Variants in SRRM2 observed in about 807,000 individuals in gnomAD.
SRRM2 encodes serine/arginine repetitive matrix 2, also known as serine/arginine repetitive matrix protein 2.
SRRM2 carries 30 observed loss-of-function variants against 213.8 expected under a neutral mutation model. The observed-to-expected ratio is 0.14, with a 90% CI of 0.10 to 0.19. The LOEUF is 0.19. Among genes scored for constraint, SRRM2 ranks in the 10% least tolerant of loss-of-function variants. The probability of loss-of-function intolerance (pLI) is 1.00; values close to 1 mark genes in which losing one functional copy is unlikely to be tolerated. For missense variants in SRRM2, 4,904 were observed against 3,647.0 expected (o/e 1.34, Z -8.88); for synonymous variants, 2,025 against 1,377.7 (o/e 1.47, Z -10.40).
At position 2,764,353 on chromosome 16, in the gene SRRM2, A is replaced by G. The variant is rs2068465718; in HGVS notation, c.3825A>G (p.Glu1275=). 2 of 1,614,070 alleles carry G rather than the reference A, an allele frequency of 1.2e-6. No individual in the cohort carries two copies. Among genetic ancestry groups the G allele is most frequent in the African/African-American group, 1.3e-5 (1 of 74,938 alleles). The part of the protein sequence containing the change: ...TSNFESSPEV[E]ERPAVSLTLD... ...ACTTTGAATCATCTCCTGAAGTAGA[A>G]GAAAGGCCTGCTGTGTCTTTGACTC... Residue 1275 remains glutamate, a synonymous_variant, in exon 11 of 15, where the codon GAA becomes GAG. Transcript: ENST00000301740.
rs777515766 is a variant in SRRM2 at position 2,767,811 on chromosome 16, C to T, written c.7283C>T (p.Ser2428Phe). 12 of 1,613,942 alleles carry T rather than the reference C, an allele frequency of 7.4e-6. No individual in the cohort carries two copies. Among genetic ancestry groups the T allele is most frequent in the South Asian group, 1.1e-5 (1 of 91,078 alleles). ...ACCTCTGAACGGGCTCCCTCCCCTT[C>T]CTCTAGAATGGGCCAGGCTCCTTCA... is the stretch of plus-strand genomic sequence containing the variant. ...RMTSERAPSP[S>F]SRMGQAPSQS... The change falls in exon 11 of 15, where the codon TCC becomes TTC. Residue 2428 changes from serine (S) to phenylalanine (F), a missense_variant. Coordinates refer to ENST00000301740, the MANE Select transcript of SRRM2 (RefSeq NM_016333.4).
In SRRM2 at chr16:2,762,842, C is replaced by T. The variant is rs142703288; in HGVS notation, c.2314C>T (p.Arg772Cys). 2.3e-4 allele frequency: 373 copies of T among 1,614,182 alleles called. 4 individuals carry two copies. The South Asian group carries it at 2.7e-3, about 11-fold the overall frequency. ...TTCACCACGGTCCAAAGCAAAATCT[C>T]GCTTGTCTTTGAGGCGCAGCCTTTC... is the stretch of plus-strand genomic sequence containing the variant. ...LSSPRSKAKS[R>C]LSLRRSLSGS... The change falls in exon 11 of 15, where the codon CGC (arginine) becomes TGC (cysteine). Residue 772 changes from arginine to cysteine, a missense_variant. Physicochemically the swap from Arg to Cys is radical, Grantham distance 180. Transcript: ENST00000301740.
rs964192291 is a variant in SRRM2, at chr16:2,771,291, C to A, written c.*424C>A. 1.1e-6 allele frequency: 1 copy of A among 939,694 alleles called. No homozygotes were observed. The highest frequency in any genetic ancestry group is 1.9e-5 in the Admixed American group (1 of 53,058). The allele number at this position is 939,694 out of a possible 1,614,324, so 58.2% of individuals were successfully genotyped here. On this transcript the variant is annotated 3_prime_UTR_variant, in exon 15 of 15. Transcript: ENST00000301740. ...GTTGGAATTAGTTGGTCCCTACTGT[C>A]CCCCATGAGGTTGTGAACCCCTCCC...
chr16:2,770,744 C>G, intron 14 of SRRM2, 27 bp downstream of exon 14: 1 of 1,586,518 alleles, frequency 6.3e-7, no homozygotes, highest in Non-Finnish European at 8.6e-7. Context: ...GCTGATGCCC[C>G]CTTCCGGGAG....
At chr16:2,756,698 G>A in intron 2 of SRRM2, 92 bp downstream of exon 2, 1 of 1,499,072 alleles carries the variant, frequency 6.7e-7, no homozygotes, top group Non-Finnish European at 8.9e-7. Flanking sequence ...GTGGTTGAAA[G>A]AGGCCTGGCA....
In SRRM2 at chr16:2,762,001, G is replaced by A. The variant is rs1047904547; in HGVS notation, c.1473G>A (p.Lys491=). 2 of 1,614,050 alleles carry A rather than the reference G, an allele frequency of 1.2e-6. No individual in the cohort carries two copies. The highest frequency in any genetic ancestry group is 3.3e-5 in the Admixed American group (2 of 60,014). The change falls in exon 11 of 15, where the codon AAG becomes AAA. Residue 491 remains lysine, a synonymous_variant. Transcript: ENST00000301740. ...MGRSRSPATA[K]RGRSRSRTPT... ...GGTCCCGTAGCCCTGCCACCGCTAA[G>A]AGAGGGCGATCTCGGTCTCGAACCC...
At chr16:2,760,126 G>T in intron 9 of SRRM2, 175 bp from the exon 10 acceptor site, 4 of 660,626 alleles carry the variant, frequency 6.1e-6, no homozygotes, top group Non-Finnish European at 2.6e-6. Flanking sequence ...GGGAAAAGAA[G>T]AACCAAAGTG....
chr16:2,766,583 A>G lies in SRRM2; in HGVS notation c.6055A>G (p.Arg2019Gly), dbSNP rs762680941. The change falls in exon 11 of 15, where the codon AGG becomes GGG. Residue 2019 changes from arginine (R) to glycine (G), a missense_variant. By Grantham distance (125) the Arg-to-Gly change is moderately radical (BLOSUM62 -2). Coordinates refer to ENST00000301740, the MANE Select transcript of SRRM2 (RefSeq NM_016333.4). This position sits in a 1 kb window ranked among gnomAD's most constrained non-coding sequence, Gnocchi z 7.0. ...RTSPVTRRRS[R>G]SRTPPAIRRR... ...CTCACCAGTGACACGCCGCCGCTCT[A>G]GGTCCCGGACACCTCCAGCTATTCG... is the stretch of plus-strand genomic sequence containing the variant. 17 of 1,613,922 alleles carry G rather than the reference A, an allele frequency of 1.1e-5. No individual in the cohort carries two copies. In the East Asian group the frequency reaches 3.3e-4, roughly 32 times the overall value.
intron 2 of SRRM2, 114 bp from the exon 3 acceptor site, chr16:2,757,358 A>G: frequency 2.6e-6 from 2 of 769,672 alleles, no homozygotes; most frequent in Non-Finnish European, 2.2e-6. Context: ...GTGAGCGAAA[A>G]GTTCTGTGTG....
intron 8 of SRRM2, 39 bp downstream of exon 8, chr16:2,759,441 G>T: frequency 1.3e-6 from 2 of 1,595,810 alleles, no homozygotes; most frequent in Non-Finnish European, 1.7e-6. Flanking sequence ...GGAAGTAAGT[G>T]AACGCCACCT....
intron 12 of SRRM2, chr16:2,769,719 C>T (rs1303242311): frequency 4.2e-6 from 2 of 476,802 alleles, no homozygotes; most frequent in Middle Eastern, 3.1e-4. Context: ...CTTCCCTCCA[C>T]TCCACAAATC....
At position 2,765,918 on chromosome 16, in the gene SRRM2, C is replaced by T. The variant is rs764668131; in HGVS notation, c.5390C>T (p.Thr1797Ile). The change falls in exon 11 of 15, where the codon ACC becomes ATC. Residue 1797 changes from threonine to isoleucine, a missense_variant. Physicochemically the swap from Thr to Ile is moderately conservative, Grantham distance 89. Coordinates refer to ENST00000301740, the MANE Select transcript of SRRM2 (RefSeq NM_016333.4). ...GATAGGTCTGGATCTTCTCAGTCAA[C>T]CTCTCGGCGAAGACAGCGGAGCCGG... The part of the protein sequence containing the change: ...RRDRSGSSQS[T>I]SRRRQRSRSR... 1.5e-5 allele frequency: 25 copies of T among 1,614,054 alleles called. No individual in the cohort carries two copies. Among genetic ancestry groups the T allele is most frequent in the South Asian group, 7.7e-5 (7 of 91,084 alleles).
Position 2,767,541 on chromosome 16 carries a change from T to C in SRRM2, c.7013T>C (p.Leu2338Pro), listed in dbSNP as rs2068585574. Residue 2338 changes from leucine to proline, a missense_variant, in exon 11 of 15, where the codon CTG becomes CCG. By Grantham distance (98) the Leu-to-Pro change is moderately conservative. Coordinates refer to ENST00000301740, the MANE Select transcript of SRRM2 (RefSeq NM_016333.4). The stretch of plus-strand genomic sequence containing the variant: ...CCACAGGCTCCAGCCTCTGCAAACC[T>C]GGTGGGTCCTCGGTCTGCACATGCC... ...RTPQAPASAN[L>P]VGPRSAHATA... 1 of 1,614,164 alleles carries C rather than the reference T, an allele frequency of 6.2e-7. No individual in the cohort carries two copies.
chr16:2,761,100 CT>C (rs2068329070), intron 10 of SRRM2, among the ~76,000 whole-genome samples: 1 of 152,154 alleles, frequency 6.6e-6, no homozygotes, highest in African/African-American at 2.4e-5. Flanking sequence ...ATAGTCTGGT[CT>C]TTTTCTCATT....
intron 1 of SRRM2, chr16:2,753,667 G>C (rs1184510518): frequency 6.6e-6 from 1 of 152,180 alleles, no homozygotes; most frequent in Non-Finnish European, 1.5e-5. Context: ...GCGTTCTTTG[G>C]CACACAGCTC....
intron 9 of SRRM2, 181 bp downstream of exon 9, chr16:2,759,842 CT>C (rs375549530): frequency 0.047 from 19,570 of 414,662 alleles, 8 homozygotes; most frequent in South Asian, 0.064. Context: ...TTCCCCTTCT[CT>C]TTTTTTTTTT....
In SRRM2 at chr16:2,764,186, C is replaced by T. The variant is rs777060760; in HGVS notation, c.3658C>T (p.Pro1220Ser). Residue 1220 changes from proline to serine, a missense_variant, in exon 11 of 15, where the codon CCA (proline) becomes TCA (serine). Pro to Ser is a moderately conservative substitution (Grantham distance 74). Coordinates refer to ENST00000301740, the MANE Select transcript of SRRM2 (RefSeq NM_016333.4). ...GGAAAGAAGTGGTGCTGGGTCATCT[C>T]CAGAAACAAAAGAGCAAAATAGTGC... The part of the protein sequence containing the change: ...PRERSGAGSS[P>S]ETKEQNSALP... 5 of 1,614,194 alleles carry T rather than the reference C, an allele frequency of 3.1e-6. No homozygotes were observed. The highest frequency in any genetic ancestry group is 1.1e-5 in the South Asian group (1 of 91,082).
In SRRM2 at chr16:2,765,552, C is replaced by T. The variant is rs758486593; in HGVS notation, c.5024C>T (p.Ser1675Leu). 6.2e-7 allele frequency: 1 copy of T among 1,614,222 alleles called. No homozygotes were observed. The highest frequency in any genetic ancestry group is 8.5e-7 in the Non-Finnish European group (1 of 1,180,036). ...SRTARRGSRS[S>L]PEPKTKSRTP... ...ACTGCTCGCAGAGGTTCCAGGTCAT[C>T]ACCAGAGCCCAAGACCAAGTCTCGT... The change falls in exon 11 of 15, where the codon TCA becomes TTA. Residue 1675 changes from serine to leucine, a missense_variant. Transcript: ENST00000301740.
At chr16:2,759,461 G>A (rs2068263062) in intron 8 of SRRM2, 59 bp downstream of exon 8, 2 of 1,596,834 alleles carry the variant, frequency 1.3e-6, no homozygotes, top group African/African-American at 1.3e-5. Flanking sequence ...TTAGTGGGAG[G>A]GAGTTGAATG....
Sources: gnomAD v4.1 joint callset for allele counts (sites outside exome capture counted in the v4.1 genomes callset) on GRCh38, gnomAD v4.1.1 for gene constraint, Gnocchi (gnomAD v3.1) non-coding constraint, MANE v1.5 for transcripts, NCBI Gene and HGNC (gene_info 2026-07-23, HGNC 2026-07-21) for gene names.